The following PCDHGA7 variants were observed in gnomAD, a reference collection of about 807,000 sequenced individuals.
PCDHGA7 encodes the protein protocadherin gamma-A7.
A neutral mutation model predicts 58.3 loss-of-function variants in PCDHGA7; 44 were observed. The ratio of observed to expected loss-of-function variants is 0.75; its 90% CI spans 0.59 to 0.97. The LOEUF (loss-of-function observed/expected upper bound fraction) is 0.97, where lower values mean the gene tolerates loss of function less well. Among genes scored for constraint, PCDHGA7 ranks in the 50% least tolerant of loss-of-function variants. The pLI, the probability that PCDHGA7 is intolerant of heterozygous loss-of-function variation, is 0.00. For missense variants in PCDHGA7, 1,266 were observed against 1,188.7 expected (o/e 1.06, Z -0.96); for synonymous variants, 516 against 504.2 (o/e 1.02, Z -0.31).
intron 1 of PCDHGA7, among the ~76,000 whole-genome samples, chr5:141,463,314 A>G (rs1357327211): frequency 2.0e-5 from 3 of 151,098 alleles, no homozygotes; most frequent in Non-Finnish European, 2.9e-5. Context: ...TCTAATATCT[A>G]TTCCTCAACT....
In PCDHGA7 at chr5:141,402,880, A is replaced by T; in HGVS notation, c.2424+17557A>T. The T allele has an allele frequency of 1.4e-6, 2 of 1,474,944 alleles. 1 individual carries two copies. The highest frequency in any genetic ancestry group is 2.9e-5 in the South Asian group (2 of 68,686). 91.4% of individuals were successfully genotyped at this position (1,474,944 alleles called of 1,614,324 possible). On this transcript the variant is annotated intron_variant, in intron 1 of 3. Coordinates refer to ENST00000518325, the MANE Select transcript of PCDHGA7 (RefSeq NM_018920.4). ...TAAGGAAAAGATCACCATACTTTGCAGGGTGGAAGAAAGAACCTGATGAAG... is the reference window on the plus strand; with the variant it reads ...TAAGGAAAAGATCACCATACTTTGCTGGGTGGAAGAAAGAACCTGATGAAG...
intron 1 of PCDHGA7, chr5:141,390,565 G>T: frequency 4.8e-6 from 2 of 420,818 alleles, no homozygotes. Context: ...ACAGTTGTTG[G>T]CTCTCTCCTA....
chr5:141,408,201 C>T (rs1036342508), intron 1 of PCDHGA7: 4 of 1,548,914 alleles, frequency 2.6e-6, no homozygotes, highest in South Asian at 2.4e-5. Flanking sequence ...CCCGAGCGAA[C>T]GATGGGAGGG....
intron 1 of PCDHGA7, chr5:141,416,482 A>G (rs1009921478): frequency 6.6e-6 from 1 of 152,210 alleles, no homozygotes; most frequent in East Asian, 1.9e-4. Context: ...TGTTCCCGAG[A>G]ACAGGAGCAA....
chr5:141,470,869 T>C (rs1215083835), intron 1 of PCDHGA7, among the ~76,000 whole-genome samples: 1 of 151,910 alleles, frequency 6.6e-6, no homozygotes, highest in African/African-American at 2.4e-5. Context: ...TTTGTTTGTT[T>C]GTTTTTTTGT....
In PCDHGA7 at chr5:141,476,978, C is replaced by G; in HGVS notation, c.2425-17829C>G. 1.2e-6 allele frequency: 2 copies of G among 1,614,256 alleles called. No individual in the cohort carries two copies. Among genetic ancestry groups the G allele is most frequent in the Non-Finnish European group, 1.7e-6 (2 of 1,180,058 alleles). Reference sequence around the variant, plus strand: ...TATTTACTCCTTCGGCAGCCACAACCGCGCCGGCGTGCGGCAACTATTCGC... The same window carrying G: ...TATTTACTCCTTCGGCAGCCACAACGGCGCCGGCGTGCGGCAACTATTCGC... On this transcript the variant is annotated intron_variant, in intron 1 of 3. Transcript: ENST00000518325. This position sits in a 1 kb window ranked among gnomAD's most constrained non-coding sequence, Gnocchi z 7.6.
Position 141,477,161 on chromosome 5 carries a change from G to A in PCDHGA7, c.2425-17646G>A, listed in dbSNP as rs761453939. On this transcript the variant is annotated intron_variant, in intron 1 of 3. Transcript: ENST00000518325. The surrounding 1 kb of genome is among the most constrained non-coding windows in gnomAD (Gnocchi z 4.9). ...GGAGGTTGTGGATGTGAATGACAAC[G>A]CCCCGGAGATCACAGTCACCTCCGT... 1.9e-6 allele frequency: 3 copies of A among 1,613,988 alleles called. No individual in the cohort carries two copies. The highest frequency in any genetic ancestry group is 2.7e-5 in the African/African-American group (2 of 74,904).
chr5:141,399,009 C>A (rs759328384), intron 1 of PCDHGA7: 1 of 1,613,812 alleles, frequency 6.2e-7, no homozygotes, highest in African/African-American at 1.3e-5. Context: ...ATTCAAAGAG[C>A]GGAGAAATTA....
intron 1 of PCDHGA7, chr5:141,412,659 C>T (rs1013218327): frequency 7.9e-5 from 12 of 152,212 alleles, no homozygotes; most frequent in African/African-American, 2.4e-4. Flanking sequence ...TACCTAGACA[C>T]TAATATGACC....
chr5:141,430,805 C>T (rs1445689047), intron 1 of PCDHGA7: 2 of 1,525,722 alleles, frequency 1.3e-6, no homozygotes, highest in Admixed American at 2.3e-5. Flanking sequence ...GCTTGTCCTG[C>T]TGGGAATCCT....
intron 1 of PCDHGA7, among the ~76,000 whole-genome samples, chr5:141,454,491 C>T (rs956727548): frequency 6.6e-6 from 1 of 152,194 alleles, no homozygotes; most frequent in South Asian, 2.1e-4. Context: ...ACCGCAACCT[C>T]CACCTCCTGG....
At position 141,491,489 on chromosome 5, in the gene PCDHGA7, A is replaced by T; in HGVS notation, c.2425-3318A>T. 1.2e-6 allele frequency: 2 copies of T among 1,614,130 alleles called. No individual in the cohort carries two copies. Among genetic ancestry groups the T allele is most frequent in the Non-Finnish European group, 1.7e-6 (2 of 1,180,018 alleles). On this transcript the variant is annotated intron_variant, in intron 1 of 3. Coordinates refer to ENST00000518325, the MANE Select transcript of PCDHGA7 (RefSeq NM_018920.4). This position sits in a 1 kb window ranked among gnomAD's most constrained non-coding sequence, Gnocchi z 6.9. ...TATAAGCAGTCCAGCCCCAACCTGC[A>T]GGTGAGCTCGGACGGCACGCTCAAG... is the stretch of plus-strand genomic sequence containing the variant.
chr5:141,388,789 T>A (rs2091491529), intron 1 of PCDHGA7: 1 of 1,613,948 alleles, frequency 6.2e-7, no homozygotes, highest in Non-Finnish European at 8.5e-7. Context: ...ATTACTGTTT[T>A]AAATACATTA....
At chr5:141,404,816 C>A in intron 1 of PCDHGA7, 1 of 1,610,374 alleles carries the variant, frequency 6.2e-7, no homozygotes, top group Non-Finnish European at 8.5e-7. Flanking sequence ...GGTGGGGCTG[C>A]ACACAGGTGA....
At position 141,423,537 on chromosome 5, in the gene PCDHGA7, T is replaced by A. The variant is rs201034039; in HGVS notation, c.2424+38214T>A. 1.4e-4 allele frequency: 225 copies of A among 1,613,694 alleles called. 2 individuals carry two copies. In the South Asian group the frequency reaches 2.3e-3, roughly 16 times the overall value. On this transcript the variant is annotated intron_variant, in intron 1 of 3. Coordinates refer to ENST00000518325, the MANE Select transcript of PCDHGA7 (RefSeq NM_018920.4). ...CGGACTCGCAGAAGAGTCACCTGAT[T>A]TTCCCCCAGCCCAACTATGGGGACA...
In PCDHGA7 at chr5:141,383,728, G is replaced by GGT. The variant is rs1554087976; in HGVS notation, c.829_830insGT (p.Val277GlyfsTer2). The GGT allele has an allele frequency of 1.9e-6, 3 of 1,613,878 alleles. No homozygotes were observed. Among genetic ancestry groups the GGT allele is most frequent in the Non-Finnish European group, 2.5e-6 (3 of 1,179,890 alleles). On this transcript the variant is annotated frameshift_variant, in exon 1 of 4. Coordinates refer to ENST00000518325, the MANE Select transcript of PCDHGA7 (RefSeq NM_018920.4). LOFTEE classifies it high-confidence loss of function. The stretch of plus-strand genomic sequence containing the variant: ...CCTGGACGAGGGAGTCAATGGGGAA[G>GGT]TGACATATTCTTTTCGGAAAATAAC...
rs367731612 is a variant in PCDHGA7, at chr5:141,419,406, C to T, written c.2424+34083C>T. The T allele has an allele frequency of 6.5e-5, 105 of 1,613,522 alleles. 1 individual carries two copies. The South Asian group carries it at 1.0e-3, about 16-fold the overall frequency. Reference sequence around the variant, plus strand: ...AGCGCGCAGAGCGGGGTGGTGTTCGCGCAGCGCGCCTTCGACCACGAGCAG... The same window carrying T: ...AGCGCGCAGAGCGGGGTGGTGTTCGTGCAGCGCGCCTTCGACCACGAGCAG... On this transcript the variant is annotated intron_variant, in intron 1 of 3. Transcript: ENST00000518325.
In PCDHGA7 at chr5:141,499,676, C is replaced by G. The variant is rs534287777; in HGVS notation, c.2483+4811C>G. On this transcript the variant is annotated intron_variant, in intron 2 of 3. Coordinates refer to ENST00000518325, the MANE Select transcript of PCDHGA7 (RefSeq NM_018920.4). Reference sequence around the variant, plus strand: ...ATAATTTCATCTTGGTCTCCACCATCTTTAACAGATGACTTTTTTTTTTTT... The same window carrying G: ...ATAATTTCATCTTGGTCTCCACCATGTTTAACAGATGACTTTTTTTTTTTT... Among the ~76,000 whole-genome samples, 13 of 144,474 alleles carry G rather than the reference C, an allele frequency of 9.0e-5. No homozygotes were observed. In the South Asian group the frequency reaches 2.9e-3, roughly 33 times the overall value. The allele number at this position is 144,474 out of a possible 152,430, so 94.8% of individuals were successfully genotyped here.
chr5:141,430,635 T>A, intron 1 of PCDHGA7: 3 of 881,948 alleles, frequency 3.4e-6, no homozygotes, highest in Non-Finnish European at 5.0e-6. Flanking sequence ...GAACCATCCC[T>A]GGGAGTATGT....
Sources: gnomAD v4.1 joint callset for allele counts (sites outside exome capture counted in the v4.1 genomes callset) on GRCh38, gnomAD v4.1.1 for gene constraint, Gnocchi (gnomAD v3.1) non-coding constraint, MANE v1.5 for transcripts, NCBI Gene and HGNC (gene_info 2026-07-23, HGNC 2026-07-21) for gene names.